The following VPS37B variants were observed in gnomAD, a reference collection of about 807,000 sequenced individuals.
VPS37B encodes the protein vacuolar protein sorting-associated protein 37B.
In VPS37B, 11 loss-of-function variants were observed where a neutral mutation model predicts 21.2. That is an observed-to-expected ratio of 0.52 (90% CI 0.33 to 0.86). VPS37B has a LOEUF of 0.86. Ranked by LOEUF, VPS37B falls within the 40% of genes least tolerant of loss-of-function variation. The pLI, the probability that VPS37B is intolerant of heterozygous loss-of-function variation, is 0.03. For missense variants in VPS37B, 389 were observed against 374.8 expected, an observed-to-expected ratio of 1.04 and a Z score of -0.31; for synonymous variants, 175 against 159.6, an observed-to-expected ratio of 1.10 and a Z score of -0.73.
chr12:122,884,718 A>G (rs2034297411), intron 1 of VPS37B: 1 of 151,870 alleles, frequency 6.6e-6, no homozygotes, highest in Non-Finnish European at 1.5e-5. Flanking sequence ...TGATTTTCTT[A>G]TTAATAGTTT....
At position 122,867,908 on chromosome 12, in the gene VPS37B, C is replaced by T. The variant is rs536913969; in HGVS notation, c.367-301G>A. ...CCTGGGTCCCAGGCCTCTCTCGAGC[C>T]CGCTGGAGTCCAACACCTCCTTGCT... On this transcript the variant is annotated intron_variant, in intron 3 of 3. Transcript: ENST00000267202. The surrounding 1 kb of genome is among the most constrained non-coding windows in gnomAD (Gnocchi z 5.5). 1.1e-4 allele frequency among the ~76,000 whole-genome samples: 16 copies of T among 152,170 alleles called. No homozygotes were observed. Among genetic ancestry groups the T allele is most frequent in the Non-Finnish European group, 2.2e-4 (15 of 68,016 alleles).
chr12:122,873,510 C>T (rs189135753), intron 1 of VPS37B: 104 of 152,262 alleles, frequency 6.8e-4, no homozygotes, highest in African/African-American at 2.4e-3. Flanking sequence ...ATTTACTGAG[C>T]GAGTATTATC....
In VPS37B at chr12:122,870,974, C is replaced by G. The variant is rs768645964; in HGVS notation, c.199G>C (p.Asp67His). Reference protein sequence around the residue: ...EGNLLYQPQLDTLKARLTQKY... With the variant: ...EGNLLYQPQLHTLKARLTQKY... Reference sequence around the variant, plus strand: ...TGGGTCAAGCGTGCTTTCAACGTGTCCAGCTGGGGCTGGTACAAAAGGTTT... The same window carrying G: ...TGGGTCAAGCGTGCTTTCAACGTGTGCAGCTGGGGCTGGTACAAAAGGTTT... The change falls in exon 2 of 4, where the codon GAC becomes CAC. Residue 67 changes from aspartate (D) to histidine (H), a missense_variant. Asp to His is a moderately conservative substitution (Grantham distance 81). Coordinates refer to ENST00000267202, the MANE Select transcript of VPS37B (RefSeq NM_024667.3). 3 of 1,614,126 alleles carry G rather than the reference C, an allele frequency of 1.9e-6. No individual in the cohort carries two copies. The highest frequency in any genetic ancestry group is 1.7e-6 in the Non-Finnish European group (2 of 1,180,052).
At chr12:122,892,503 T>TA (rs139634602) in intron 1 of VPS37B, among the ~76,000 whole-genome samples, 155 of 143,712 alleles carry the variant, frequency 1.1e-3, no homozygotes, top group Middle Eastern at 3.6e-3. Context: ...TTCTGCCAAT[T>TA]AAAAAAAAAA....
intron 1 of VPS37B, chr12:122,888,904 C>T (rs893372218): frequency 4.0e-6 from 1 of 251,166 alleles, no homozygotes; most frequent in Non-Finnish European, 8.2e-6. Context: ...CAACTGCCTG[C>T]GGGACAAAGC....
chr12:122,869,293 T>C (rs2033974602), intron 2 of VPS37B, among the ~76,000 whole-genome samples: 1 of 152,252 alleles, frequency 6.6e-6, no homozygotes, highest in Non-Finnish European at 1.5e-5. Flanking sequence ...CTGTTGGGTA[T>C]ACACCCAGGA....
rs569868312 is a variant in VPS37B, at chr12:122,869,457, C to T, written c.284-895G>A. 5.5e-4 allele frequency among the ~76,000 whole-genome samples: 84 copies of T among 152,364 alleles called. No individual in the cohort carries two copies. The South Asian group carries it at 0.014, about 26-fold the overall frequency. On this transcript the variant is annotated intron_variant, in intron 2 of 3. Coordinates refer to ENST00000267202, the MANE Select transcript of VPS37B (RefSeq NM_024667.3). ...ACACTCCTACCAGCAAGATGCACGG[C>T]ACCTCACAGCACTTGGTACTGCCAG...
chr12:122,868,890 C>T lies in VPS37B; in HGVS notation c.284-328G>A, dbSNP rs868225133. Among the ~76,000 whole-genome samples the T allele has an allele frequency of 1.3e-5, 2 of 152,168 alleles. No individual in the cohort carries two copies. Among genetic ancestry groups the T allele is most frequent in the Admixed American group, 6.5e-5 (1 of 15,278 alleles). ...CTCAAGTGTGTAAGTCAAATTTCCA[C>T]GTGTTTAACCGCCAACCACCACCCC... On this transcript the variant is annotated intron_variant, in intron 2 of 3. Transcript: ENST00000267202. The surrounding 1 kb of genome is among the most constrained non-coding windows in gnomAD (Gnocchi z 5.5).
Position 122,868,649 on chromosome 12 carries a change from C to G in VPS37B, c.284-87G>C. On this transcript the variant is annotated intron_variant, in intron 2 of 3. Coordinates refer to ENST00000267202, the MANE Select transcript of VPS37B (RefSeq NM_024667.3). This position sits in a 1 kb window ranked among gnomAD's most constrained non-coding sequence, Gnocchi z 5.5. ...GCCAACCACGGCAGGATTGCACCTT[C>G]CTTTCCAGGAAGCTGAATGTGAAAG... 1.7e-6 allele frequency: 2 copies of G among 1,166,244 alleles called. No homozygotes were observed. Among genetic ancestry groups the G allele is most frequent in the Non-Finnish European group, 2.5e-6 (2 of 803,176 alleles). The allele number at this position is 1,166,244 out of a possible 1,614,324, so 72.2% of individuals were successfully genotyped here.
chr12:122,895,735 C>T (rs2034482202), intron 1 of VPS37B, among the ~76,000 whole-genome samples: 1 of 151,894 alleles, frequency 6.6e-6, no homozygotes. Flanking sequence ...TCTCGGTCCC[C>T]TCAGTGCCTC....
chr12:122,872,740 A>G, intron 1 of VPS37B: 6 of 964,904 alleles, frequency 6.2e-6, no homozygotes, highest in Non-Finnish European at 7.4e-6. Context: ...AAAGCTGAAT[A>G]CGTAACTACC....
Position 122,870,907 on chromosome 12 carries a change from A to G in VPS37B, c.266T>C (p.Ile89Thr), listed in dbSNP as rs778123572. Reference protein sequence around the residue: ...ELQVLFEAYQIKKTKLDRQSS... With the variant: ...ELQVLFEAYQTKKTKLDRQSS... Reference sequence around the variant, plus strand: ...AAAGTTACCTAATTTGGTCTTCTTTATCTGATAGGCTTCAAAGAGAACCTG... The same window carrying G: ...AAAGTTACCTAATTTGGTCTTCTTTGTCTGATAGGCTTCAAAGAGAACCTG... Residue 89 changes from isoleucine (I) to threonine (T), a missense_variant, in exon 2 of 4, where the codon ATA (isoleucine) becomes ACA (threonine). Coordinates refer to ENST00000267202, the MANE Select transcript of VPS37B (RefSeq NM_024667.3). The G allele has an allele frequency of 6.2e-7, 1 of 1,613,764 alleles. No homozygotes were observed. The highest frequency in any genetic ancestry group is 1.3e-5 in the African/African-American group (1 of 74,872).
At chr12:122,882,499 C>T (rs1392404343) in intron 1 of VPS37B, 1 of 152,084 alleles carries the variant, frequency 6.6e-6, no homozygotes, top group Non-Finnish European at 1.5e-5. Context: ...ATCTATAACA[C>T]AAAGAAAAGG....
At chr12:122,877,387 T>A (rs902504607) in intron 1 of VPS37B, 2 of 152,226 alleles carry the variant, frequency 1.3e-5, no homozygotes, top group Non-Finnish European at 2.9e-5. Context: ...TTTATTGTCA[T>A]TTTTTATTTT....
chr12:122,867,340 G>A lies in VPS37B; in HGVS notation c.634C>T (p.Pro212Ser). ...VAPRRIPPPPPPVPAGRLATP... is the reference protein window; with the variant it reads ...VAPRRIPPPPSPVPAGRLATP... ...GCTAAGCGTCCCGCAGGCACCGGGGGTGGTGGGGGGGGGATGCGCCGAGGT... is the reference window on the plus strand; with the variant it reads ...GCTAAGCGTCCCGCAGGCACCGGGGATGGTGGGGGGGGGATGCGCCGAGGT... Residue 212 changes from proline to serine, a missense_variant, in exon 4 of 4, where the codon CCC becomes TCC. Coordinates refer to ENST00000267202, the MANE Select transcript of VPS37B (RefSeq NM_024667.3). This position sits in a 1 kb window ranked among gnomAD's most constrained non-coding sequence, Gnocchi z 5.5. 1 of 1,597,106 alleles carries A rather than the reference G, an allele frequency of 6.3e-7. No individual in the cohort carries two copies. The highest frequency in any genetic ancestry group is 1.1e-5 in the South Asian group (1 of 90,360).
At chr12:122,870,802 T>C (rs2034009496) in intron 2 of VPS37B, 88 bp downstream of exon 2, 1 of 1,432,372 alleles carries the variant, frequency 7.0e-7, no homozygotes, top group Non-Finnish European at 9.5e-7. Flanking sequence ...AATTTTTCCG[T>C]AATATTTCTT....
Position 122,866,975 on chromosome 12 carries a change from C to T in VPS37B, c.*141G>A. The T allele has an allele frequency of 7.9e-6, 9 of 1,136,288 alleles. No individual in the cohort carries two copies. The highest frequency in any genetic ancestry group is 1.1e-5 in the Non-Finnish European group (9 of 847,978). The allele number at this position is 1,136,288 out of a possible 1,614,324, so 70.4% of individuals were successfully genotyped here. A position where few individuals can be genotyped will look rare whatever the true frequency, so the allele number is the denominator to read the frequency against. On this transcript the variant is annotated 3_prime_UTR_variant, in exon 4 of 4. Transcript: ENST00000267202. ...CTGGGCTCCTACTACTCACCACTGA[C>T]CTACAGTTCTAAAATCAGACAGACA...
chr12:122,875,817 T>TA (rs1439411515), intron 1 of VPS37B: 1 of 147,338 alleles, frequency 6.8e-6, no homozygotes, highest in Non-Finnish European at 1.5e-5. Context: ...TGAGAATGCT[T>TA]AGAGAGGTAT....
At chr12:122,878,357 C>CA (rs142113744) in intron 1 of VPS37B, 7,534 of 60,812 alleles carry the variant, frequency 0.12, 466 homozygotes, top group African/African-American at 0.26. Flanking sequence ...GACTCCGTCT[C>CA]AAAAAAAAAA....
Sources: gnomAD v4.1 joint callset for allele counts (sites outside exome capture counted in the v4.1 genomes callset) on GRCh38, gnomAD v4.1.1 for gene constraint, Gnocchi (gnomAD v3.1) non-coding constraint, MANE v1.5 for transcripts, NCBI Gene and HGNC (gene_info 2026-07-23, HGNC 2026-07-21) for gene names.